The following BPTF variants were observed in gnomAD, a reference collection of about 807,000 sequenced individuals.
The protein encoded by BPTF is nucleosome-remodeling factor subunit BPTF.
A neutral mutation model predicts 292.5 loss-of-function variants in BPTF; 18 were observed. The observed-to-expected ratio is 0.06, with a 90% confidence interval of 0.04 to 0.09. The LOEUF (loss-of-function observed/expected upper bound fraction) is 0.09, where lower values mean the gene tolerates loss of function less well. Among genes scored for constraint, BPTF ranks in the 10% least tolerant of loss-of-function variants. BPTF has a pLI of 1.00. For synonymous variants in BPTF, 1,225 were observed against 1,251.9 expected, an observed-to-expected ratio of 0.98 and a Z score of 0.45; for missense variants, 2,726 against 3,498.7, an observed-to-expected ratio of 0.78 and a Z score of 5.57.
Position 67,852,342 on chromosome 17 carries a change from G to A in BPTF, c.614-1598G>A, listed in dbSNP as rs901793898. Among the ~76,000 whole-genome samples the A allele has an allele frequency of 3.3e-5, 5 of 151,958 alleles. No individual in the cohort carries two copies. The East Asian group carries it at 9.6e-4, about 29-fold the overall frequency. ...GAATTATTTTTTAAAGTATAAAAAA[G>A]TAAAAAGAAATTAGTCTTCTTTTCC... On this transcript the variant is annotated intron_variant, in intron 1 of 27. Coordinates refer to ENST00000306378, the MANE Select transcript of BPTF (RefSeq NM_182641.4).
rs1221498706 is a variant in BPTF, at chr17:67,984,189, A to T, written c.*1901A>T. 1 of 152,570 alleles carries T rather than the reference A, an allele frequency of 6.6e-6. No individual in the cohort carries two copies. The highest frequency in any genetic ancestry group is 1.9e-4 in the East Asian group (1 of 5,204). 9.5% of individuals were successfully genotyped at this position (152,570 alleles called of 1,614,324 possible). Reference sequence around the variant, plus strand: ...TCTCATCACGTCACAGTATTTCTGTACTATTTATTCATATATATAAATATA... The same window carrying T: ...TCTCATCACGTCACAGTATTTCTGTTCTATTTATTCATATATATAAATATA... On this transcript the variant is annotated 3_prime_UTR_variant, in exon 28 of 28. Coordinates refer to ENST00000306378, the MANE Select transcript of BPTF (RefSeq NM_182641.4).
intron 4 of BPTF, among the ~76,000 whole-genome samples, chr17:67,882,572 G>T (rs2060490326): frequency 1.3e-5 from 2 of 152,140 alleles, no homozygotes; most frequent in Non-Finnish European, 2.9e-5. Context: ...TTAAATAGTA[G>T]TATTTTCATA....
At chr17:67,938,814 A>G (rs1228826505) in intron 18 of BPTF, among the ~76,000 whole-genome samples, 1 of 152,238 alleles carries the variant, frequency 6.6e-6, no homozygotes, top group Non-Finnish European at 1.5e-5. Context: ...CAAAGTGGAA[A>G]AAATAGTTTC....
chr17:67,970,424 A>G (rs1364807826), intron 26 of BPTF, among the ~76,000 whole-genome samples: 2 of 152,154 alleles, frequency 1.3e-5, no homozygotes, highest in African/African-American at 4.8e-5. Flanking sequence ...ATACATATAT[A>G]CATACATACT....
In BPTF at chr17:67,946,069, C is replaced by T; in HGVS notation, c.7361C>T (p.Ala2454Val). 6.2e-7 allele frequency: 1 copy of T among 1,614,170 alleles called. No individual in the cohort carries two copies. ...VLSQIQSQVV[A>V]QIQAQQSGVP... ...TCTCAGATCCAGTCACAGGTTGTGG[C>T]TCAGATACAGGCTCAGCAAAGTGGT... Residue 2454 changes from alanine to valine, a missense_variant, in exon 21 of 28, where the codon GCT becomes GTT. Ala to Val is a moderately conservative substitution (Grantham distance 64, BLOSUM62 0). Coordinates refer to ENST00000306378, the MANE Select transcript of BPTF (RefSeq NM_182641.4).
chr17:67,859,162 T>G (rs1271068167), intron 2 of BPTF, among the ~76,000 whole-genome samples: 7 of 152,172 alleles, frequency 4.6e-5, no homozygotes, highest in Non-Finnish European at 1.5e-5. Flanking sequence ...ATTAATTACT[T>G]TTGGAGACAG....
chr17:67,951,885 A>T (rs2148079120), intron 23 of BPTF: 1 of 151,924 alleles, frequency 6.6e-6, no homozygotes, highest in East Asian at 1.9e-4. Flanking sequence ...GCGAAACCCC[A>T]TCTCTACCAA....
chr17:67,912,884 C>G lies in BPTF; in HGVS notation c.5000C>G (p.Thr1667Ser). 6.2e-7 allele frequency: 1 copy of G among 1,614,190 alleles called. No individual in the cohort carries two copies. Among genetic ancestry groups the G allele is most frequent in the Non-Finnish European group, 8.5e-7 (1 of 1,180,026 alleles). The change falls in exon 11 of 28, where the codon ACC (threonine) becomes AGC (serine). Residue 1667 changes from threonine (T) to serine (S), a missense_variant. Physicochemically the swap from Thr to Ser is moderately conservative, Grantham distance 58. Around this residue, in one of 22 missense-constraint regions of BPTF, gnomAD observed 144 missense variants for 177.2 expected, o/e 0.81. Coordinates refer to ENST00000306378, the MANE Select transcript of BPTF (RefSeq NM_182641.4). ...ACGACAGTGACAGACTCCCTGACCA[C>G]CACGGGAGGCACACTGGTTACATCT... Reference protein sequence around the residue: ...VTTTVTDSLTTTGGTLVTSMT... With the variant: ...VTTTVTDSLTSTGGTLVTSMT...
chr17:67,888,282 G>A (rs2146158788), intron 4 of BPTF, among the ~76,000 whole-genome samples: 1 of 151,942 alleles, frequency 6.6e-6, no homozygotes, highest in South Asian at 2.1e-4. Flanking sequence ...ATTTCTCTGT[G>A]TGTATATTAA....
intron 26 of BPTF, 89 bp downstream of exon 26, chr17:67,966,745 C>G: frequency 8.7e-7 from 1 of 1,151,248 alleles, no homozygotes; most frequent in East Asian, 2.9e-5. Flanking sequence ...ATATTTTTAG[C>G]AAGGCTGGTG....
chr17:67,934,276 G>A (rs1446650707), intron 18 of BPTF, among the ~76,000 whole-genome samples: 1 of 151,258 alleles, frequency 6.6e-6, no homozygotes, highest in African/African-American at 2.4e-5. Flanking sequence ...CTAGCACTTT[G>A]GGAGGCCAAG....
At chr17:67,917,679 C>G (rs2063137929) in intron 11 of BPTF, among the ~76,000 whole-genome samples, 1 of 151,784 alleles carries the variant, frequency 6.6e-6, no homozygotes, top group South Asian at 2.1e-4. Context: ...GTCGCCCAGG[C>G]TAGAGTGCAA....
intron 2 of BPTF, among the ~76,000 whole-genome samples, chr17:67,857,148 A>ATTTTTTTT (rs35727338): frequency 1.6e-4 from 16 of 97,638 alleles, no homozygotes; most frequent in Non-Finnish European, 2.3e-4. Flanking sequence ...GTCTTTAACA[A>ATTTTTTTT]TTTTTTTTTT....
At chr17:67,838,882 C>A (rs535763913) in intron 1 of BPTF, among the ~76,000 whole-genome samples, 5 of 152,292 alleles carry the variant, frequency 3.3e-5, no homozygotes, top group Middle Eastern at 3.4e-3. Context: ...TATAAAAATA[C>A]CTGCTCTGCT....
Position 67,946,107 on chromosome 17 carries a change from A to G in BPTF, c.7399A>G (p.Ile2467Val). Residue 2467 changes from isoleucine to valine, a missense_variant, in exon 21 of 28, where the codon ATC (isoleucine) becomes GTC (valine). This residue lies in a region of BPTF where 570 missense variants were observed against 633.5 expected (regional missense o/e 0.90). Coordinates refer to ENST00000306378, the MANE Select transcript of BPTF (RefSeq NM_182641.4). ...QAQQSGVPQQ[I>V]KLQLPIQIQQ... is the part of the protein sequence containing the mutation. ...TCAGCAAAGTGGTGTGCCCCAGCAA[A>G]TCAAACTCCAGTTACCTATCCAAAT... is the stretch of plus-strand genomic sequence containing the variant. 6.2e-7 allele frequency: 1 copy of G among 1,614,126 alleles called. No individual in the cohort carries two copies. The highest frequency in any genetic ancestry group is 1.1e-5 in the South Asian group (1 of 91,080).
At chr17:67,943,255 A>G (rs1401973387) in intron 19 of BPTF, among the ~76,000 whole-genome samples, 1 of 152,168 alleles carries the variant, frequency 6.6e-6, no homozygotes, top group Non-Finnish European at 1.5e-5. Context: ...TGCATAAAAA[A>G]TGTATTTTAG....
At chr17:67,973,826 C>A (rs1555692385) in intron 26 of BPTF, 9 of 151,954 alleles carry the variant, frequency 5.9e-5, no homozygotes, top group South Asian at 2.1e-4. Flanking sequence ...TGAATGAACT[C>A]CTTTCCCTAC....
intron 18 of BPTF, among the ~76,000 whole-genome samples, chr17:67,932,838 A>G (rs2064524425): frequency 6.6e-6 from 1 of 152,232 alleles, no homozygotes; most frequent in African/African-American, 2.4e-5. Context: ...CACATGAAAT[A>G]AAGGCCATAA....
At position 67,922,055 on chromosome 17, in the gene BPTF, T is replaced by C. The variant is rs559362088; in HGVS notation, c.5558-785T>C. ...CCAAAAAAAAAACAAAATCACAAGG[T>C]CGTCCTGGCACAGAAACAGCTCTGT... On this transcript the variant is annotated intron_variant, in intron 13 of 27. Coordinates refer to ENST00000306378, the MANE Select transcript of BPTF (RefSeq NM_182641.4). 4.3e-4 allele frequency among the ~76,000 whole-genome samples: 65 copies of C among 150,302 alleles called. 2 individuals carry two copies. The South Asian group carries it at 0.013, about 29-fold the overall frequency.
Sources: allele counts gnomAD v4.1 joint callset (sites outside exome capture counted in the v4.1 genomes callset), GRCh38; gene constraint gnomAD v4.1.1; regional missense constraint gnomAD v4.1.1; transcripts MANE v1.5; gene names NCBI Gene and HGNC (gene_info 2026-07-23, HGNC 2026-07-21).